The following ADGRL3 variants were observed in gnomAD, a reference collection of about 807,000 sequenced individuals.
ADGRL3 encodes the protein adhesion G protein-coupled receptor L3.
A neutral mutation model predicts 153.5 loss-of-function variants in ADGRL3; 62 were observed. The ratio of observed to expected loss-of-function variants is 0.40; its 90% CI spans 0.33 to 0.50. ADGRL3 has a LOEUF of 0.50. Ranked by LOEUF, ADGRL3 falls within the 20% of genes least tolerant of loss-of-function variation. The probability of loss-of-function intolerance (pLI) is 0.47; values close to 1 mark genes in which losing one functional copy is unlikely to be tolerated. For synonymous variants in ADGRL3, 710 were observed against 672.5 expected, an observed-to-expected ratio of 1.06 and a Z score of -0.86; for missense variants, 1,641 against 1,859.4, an observed-to-expected ratio of 0.88 and a Z score of 2.16.
At chr4:61,450,485 G>A (rs1017041423) in intron 2 of ADGRL3, among the ~76,000 whole-genome samples, 22 of 152,182 alleles carry the variant, frequency 1.4e-4, no homozygotes, top group African/African-American at 5.3e-4. Context: ...TTCCAGGCCT[G>A]CAATCTTTGC....
At chr4:61,351,784 C>A (rs2096057480) in intron 1 of ADGRL3, among the ~76,000 whole-genome samples, 1 of 150,960 alleles carries the variant, frequency 6.6e-6, no homozygotes, top group Admixed American at 6.6e-5. Context: ...AAGAAAAAAT[C>A]CTTTTGAAAT....
At chr4:61,303,854 A>G (rs1184537557) in intron 1 of ADGRL3, among the ~76,000 whole-genome samples, 1 of 152,208 alleles carries the variant, frequency 6.6e-6, no homozygotes, top group Non-Finnish European at 1.5e-5. Flanking sequence ...ATGGTTACAC[A>G]AAACACAAAT....
At chr4:61,921,949 A>C (rs1194635620) in intron 13 of ADGRL3, among the ~76,000 whole-genome samples, 2 of 152,314 alleles carry the variant, frequency 1.3e-5, no homozygotes, top group African/African-American at 4.8e-5. Context: ...TCAGCAGAAC[A>C]ACTTACCTCT....
intron 9 of ADGRL3, among the ~76,000 whole-genome samples, chr4:61,869,945 A>AAAAAAAAAAAAAAAAAG: frequency 9.7e-6 from 1 of 102,686 alleles, no homozygotes; most frequent in Non-Finnish European, 2.2e-5. Flanking sequence ...TTAAAAAAAA[A>AAAAAAAAAAAAAAAAAG]AAAAAAAAAA....
chr4:61,534,179 C>T lies in ADGRL3; in HGVS notation c.259+16661C>T, dbSNP rs368546211. 1.5e-3 allele frequency among the ~76,000 whole-genome samples: 222 copies of T among 152,244 alleles called. 1 individual carries two copies. Among genetic ancestry groups the T allele is most frequent in the African/African-American group, 5.0e-3 (206 of 41,548 alleles). On this transcript the variant is annotated intron_variant, in intron 4 of 26. Transcript: ENST00000683033. ...TTCTGCATATGGCTAGCCAGCTTTC[C>T]CAGCAGCATTTATTGCATAAGGTGT... is the stretch of plus-strand genomic sequence containing the variant.
chr4:61,510,203 GT>G (rs2098456042), intron 3 of ADGRL3, among the ~76,000 whole-genome samples: 1 of 152,132 alleles, frequency 6.6e-6, no homozygotes, highest in Admixed American at 6.5e-5. Flanking sequence ...CTCTCATTCT[GT>G]GGGTTGTCTG....
At chr4:61,973,553 C>A (rs764006705) in intron 17 of ADGRL3, among the ~76,000 whole-genome samples, 6 of 152,036 alleles carry the variant, frequency 3.9e-5, no homozygotes, top group Non-Finnish European at 5.9e-5. Flanking sequence ...ATAAAAATTT[C>A]TTTCTAGAGA....
At chr4:61,475,069 G>A (rs2098028036) in intron 2 of ADGRL3, among the ~76,000 whole-genome samples, 1 of 152,058 alleles carries the variant, frequency 6.6e-6, no homozygotes, top group Admixed American at 6.6e-5. Context: ...GAACGGGGAG[G>A]AAAAATGTGA....
chr4:61,595,612 TACACTGCCTGGGGTTAGAGGAGTGATGGC>T, intron 5 of ADGRL3, among the ~76,000 whole-genome samples: 1 of 152,194 alleles, frequency 6.6e-6, no homozygotes, highest in Non-Finnish European at 1.5e-5. Flanking sequence ...TGCTACAAGC[TACACTGCCTGGGGTTAGAGGAGTGATGGC>T]ACAAGCACTC....
intron 2 of ADGRL3, among the ~76,000 whole-genome samples, chr4:61,490,101 T>G (rs1444550602): frequency 6.6e-6 from 1 of 152,084 alleles, no homozygotes; most frequent in Admixed American, 6.6e-5. Flanking sequence ...TTTTTCCACC[T>G]CTTTACCTTT....
At chr4:61,595,993 A>G (rs535692125) in intron 5 of ADGRL3, among the ~76,000 whole-genome samples, 91 of 152,248 alleles carry the variant, frequency 6.0e-4, no homozygotes, top group Non-Finnish European at 9.1e-4. Flanking sequence ...CCCAAAGTGC[A>G]CAAATACTCT....
rs1561390264 is a variant in ADGRL3, at chr4:61,869,963, AGAGAGAGAG to A, written c.1481-22692_1481-22684del. 2.0e-3 allele frequency among the ~76,000 whole-genome samples: 191 copies of A among 93,380 alleles called. 1 individual carries two copies. Among genetic ancestry groups the A allele is most frequent in the African/African-American group, 7.2e-3 (167 of 23,204 alleles). The allele number at this position is 93,380 out of a possible 152,430, so 61.3% of individuals were successfully genotyped here. ...AAAAAAAAAAAAAAAAAAAAAAAAG[AGAGAGAGAG>A]AGAAAGAGAGAGAGAGAGGGAGAGA... On this transcript the variant is annotated intron_variant, in intron 9 of 26. Transcript: ENST00000683033.
intron 8 of ADGRL3, among the ~76,000 whole-genome samples, chr4:61,760,469 A>G (rs2096898107): frequency 6.6e-6 from 1 of 152,186 alleles, no homozygotes; most frequent in Non-Finnish European, 1.5e-5. Context: ...GGCACGGGAT[A>G]TAATCTCCTG....
At chr4:61,372,654 A>C (rs2096549726) in intron 1 of ADGRL3, among the ~76,000 whole-genome samples, 1 of 152,176 alleles carries the variant, frequency 6.6e-6, no homozygotes. Context: ...AGGACGTTTA[A>C]GTCTGCAGAG....
At chr4:61,988,196 A>G (rs920724250) in intron 19 of ADGRL3, among the ~76,000 whole-genome samples, 8 of 152,174 alleles carry the variant, frequency 5.3e-5, no homozygotes, top group Non-Finnish European at 1.2e-4. Context: ...ATCAATTTGC[A>G]GTGCTTGTAA....
At chr4:61,215,806 C>G (rs888968119) in intron 1 of ADGRL3, among the ~76,000 whole-genome samples, 1 of 152,024 alleles carries the variant, frequency 6.6e-6, no homozygotes, top group Non-Finnish European at 1.5e-5. Context: ...TCCGCCTCGG[C>G]CTCCCAAAGT....
At chr4:61,767,119 A>G (rs1014122508) in intron 8 of ADGRL3, among the ~76,000 whole-genome samples, 1 of 151,802 alleles carries the variant, frequency 6.6e-6, no homozygotes, top group African/African-American at 2.4e-5. Flanking sequence ...CCAAGGAGGG[A>G]GTAGAGGTAT....
chr4:61,325,473 A>G (rs1307626190), intron 1 of ADGRL3, among the ~76,000 whole-genome samples: 5 of 152,232 alleles, frequency 3.3e-5, no homozygotes, highest in African/African-American at 9.6e-5. Flanking sequence ...AGTGGAAAGA[A>G]CTTTCTCAGT....
At chr4:61,559,102 A>G (rs966563064) in intron 4 of ADGRL3, among the ~76,000 whole-genome samples, 1 of 152,100 alleles carries the variant, frequency 6.6e-6, no homozygotes, top group South Asian at 2.1e-4. Context: ...GATAATTATC[A>G]TGTATTTTTC....
Sources: allele counts gnomAD v4.1 joint callset (sites outside exome capture counted in the v4.1 genomes callset), GRCh38; gene constraint gnomAD v4.1.1; transcripts MANE v1.5; gene names NCBI Gene and HGNC (gene_info 2026-07-23, HGNC 2026-07-21).